IPP: variants seen among roughly 807,000 people sequenced by gnomAD.
IPP encodes the protein actin-binding protein IPP.
In IPP, 41 loss-of-function variants were observed where a neutral mutation model predicts 64.1. That is an observed-to-expected ratio of 0.64 (90% CI 0.50 to 0.83). The LOEUF (loss-of-function observed/expected upper bound fraction) is 0.83. IPP is among the 40% of genes least tolerant of loss of function. The pLI is 0.00. For synonymous variants in IPP, 214 were observed against 235.2 expected (o/e 0.91, Z 0.83); for missense variants, 649 against 703.0 (o/e 0.92, Z 0.87).
chr1:45,721,800 G>A (rs777419283), intron 5 of IPP, among the ~76,000 whole-genome samples: 1 of 152,154 alleles, frequency 6.6e-6, no homozygotes, highest in Non-Finnish European at 1.5e-5. Flanking sequence ...GGTGGCTAAC[G>A]CCTGTAATCC....
chr1:45,712,560 A>G lies in IPP; in HGVS notation c.1530+1686T>C, dbSNP rs186620959. Among the ~76,000 whole-genome samples, 14 of 152,122 alleles carry G rather than the reference A, an allele frequency of 9.2e-5. No individual in the cohort carries two copies. In the East Asian group the frequency reaches 2.7e-3, roughly 29 times the overall value. On this transcript the variant is annotated intron_variant, in intron 8 of 8. Coordinates refer to ENST00000396478, the MANE Select transcript of IPP (RefSeq NM_005897.3). ...AAACAAGAAATTACCAGAAAAATTT[A>G]AAAAAGAAAAAAAAGGCCGGGCACG... is the stretch of plus-strand genomic sequence containing the variant.
intron 5 of IPP, among the ~76,000 whole-genome samples, chr1:45,723,061 T>C (rs1439719915): frequency 6.6e-6 from 1 of 152,168 alleles, no homozygotes; most frequent in Non-Finnish European, 1.5e-5. Flanking sequence ...TTGCACAACT[T>C]TGTGACTATG....
chr1:45,714,709 C>T lies in IPP; in HGVS notation c.1310-243G>A, dbSNP rs3935297. On this transcript the variant is annotated intron_variant, in intron 7 of 8. Transcript: ENST00000396478. ...TTTCAAATAACTTGAAATAATCTGTCAGCTAAGGATTTTCTATCTAATTGT... is the reference window on the plus strand; with the variant it reads ...TTTCAAATAACTTGAAATAATCTGTTAGCTAAGGATTTTCTATCTAATTGT... 3.2e-3 allele frequency among the ~76,000 whole-genome samples: 482 copies of T among 152,218 alleles called. 3 individuals carry two copies. The highest frequency in any genetic ancestry group is 0.011 in the African/African-American group (464 of 41,544).
intron 1 of IPP, among the ~76,000 whole-genome samples, chr1:45,747,087 C>T (rs1361483010): frequency 6.6e-6 from 1 of 152,050 alleles, no homozygotes; most frequent in African/African-American, 2.4e-5. Flanking sequence ...CCCTACCACC[C>T]TACTCTTAGT....
At chr1:45,740,780 AAG>A in intron 3 of IPP, 119 bp downstream of exon 3, 1 of 593,098 alleles carries the variant, frequency 1.7e-6, no homozygotes, top group East Asian at 2.9e-5. Flanking sequence ...AAGAAAAAAA[AAG>A]AGTAATCATT....
chr1:45,720,630 G>A (rs183020979), intron 5 of IPP, among the ~76,000 whole-genome samples: 189 of 152,204 alleles, frequency 1.2e-3, no homozygotes, highest in African/African-American at 4.2e-3. Context: ...ATATAACAAA[G>A]CTATAGTAAT....
At chr1:45,723,782 T>C (rs966125294) in intron 5 of IPP, among the ~76,000 whole-genome samples, 1 of 152,016 alleles carries the variant, frequency 6.6e-6, no homozygotes, top group Non-Finnish European at 1.5e-5. Context: ...TTTATACAAT[T>C]TTTGGGTGGG....
At chr1:45,725,196 G>A (rs1260374378) in intron 5 of IPP, among the ~76,000 whole-genome samples, 3 of 130,394 alleles carry the variant, frequency 2.3e-5, no homozygotes, top group African/African-American at 2.9e-5. Flanking sequence ...CAGCCGCCCC[G>A]TCCGGGAGGG....
At chr1:45,722,616 C>T (rs1017845229) in intron 5 of IPP, among the ~76,000 whole-genome samples, 2 of 151,848 alleles carry the variant, frequency 1.3e-5, no homozygotes, top group African/African-American at 4.8e-5. Context: ...AAGTTAATAA[C>T]AATATATATC....
At chr1:45,715,769 T>A (rs1018724012) in intron 7 of IPP, among the ~76,000 whole-genome samples, 4 of 152,198 alleles carry the variant, frequency 2.6e-5, no homozygotes, top group African/African-American at 9.6e-5. Flanking sequence ...TCCTCATCTA[T>A]AACTTAAAGA....
At chr1:45,710,951 G>A (rs71500091) in intron 8 of IPP, among the ~76,000 whole-genome samples, 150 of 1,044 alleles carry the variant, frequency 0.14, 70 homozygotes, top group African/African-American at 0.29. Flanking sequence ...CCCGGGAGGC[G>A]GAGGTTGCAG....
Position 45,700,125 on chromosome 1 carries a change from A to G in IPP, c.1596T>C (p.Asn532=), listed in dbSNP as rs758805147. ...GACCTCCAGAAACATACAGAAGACC[A>G]TTGACTGCCACAACACACATGCCTG... ...PRAGMCVVAV[N]GLLYVSGGRS... Residue 532 remains asparagine (N), a synonymous_variant, in exon 9 of 9, where the codon AAT becomes AAC. Transcript: ENST00000396478. 7.4e-6 allele frequency: 12 copies of G among 1,613,914 alleles called. No individual in the cohort carries two copies. In the South Asian group the frequency reaches 1.2e-4, roughly 16 times the overall value.
chr1:45,714,172 G>C lies in IPP; in HGVS notation c.1530+74C>G, dbSNP rs1320603384. Reference sequence around the variant, plus strand: ...AATGATCAATATCATGAGTGAAAAAGAGTGCATCACCACAGATCTTACAGA... The same window carrying C: ...AATGATCAATATCATGAGTGAAAAACAGTGCATCACCACAGATCTTACAGA... On this transcript the variant is annotated intron_variant, in intron 8 of 8. Coordinates refer to ENST00000396478, the MANE Select transcript of IPP (RefSeq NM_005897.3). The C allele has an allele frequency of 3.7e-6, 4 of 1,067,524 alleles. No individual in the cohort carries two copies. The Middle Eastern group carries it at 9.5e-4, about 255-fold the overall frequency. The allele number at this position is 1,067,524 out of a possible 1,614,324, so 66.1% of individuals were successfully genotyped here. A position where few individuals can be genotyped will look rare whatever the true frequency, so the allele number is the denominator to read the frequency against.
intron 3 of IPP, among the ~76,000 whole-genome samples, chr1:45,735,361 G>A (rs1313291753): frequency 1.3e-5 from 2 of 152,030 alleles, no homozygotes; most frequent in Non-Finnish European, 2.9e-5. Flanking sequence ...TGGGATTAAA[G>A]GCATGAGACA....
chr1:45,724,211 T>C (rs1645773223), intron 5 of IPP, among the ~76,000 whole-genome samples: 1 of 152,174 alleles, frequency 6.6e-6, no homozygotes, highest in African/African-American at 2.4e-5. Flanking sequence ...CTCCAGCTCC[T>C]AACCGCGAGT....
At chr1:45,700,925 A>C (rs575874808) in intron 8 of IPP, among the ~76,000 whole-genome samples, 1 of 152,310 alleles carries the variant, frequency 6.6e-6, no homozygotes, top group Admixed American at 6.5e-5. Context: ...TGTCCAAGAG[A>C]ATGACACAGC....
At chr1:45,694,585 T>C (rs1645370771), downstream of IPP, 1 of 830,494 alleles carries the variant, frequency 1.2e-6, no homozygotes, top group African/African-American at 1.7e-5. Flanking sequence ...TCCAAACTTA[T>C]TTCACATGGT....
intron 2 of IPP, among the ~76,000 whole-genome samples, chr1:45,745,099 A>G (rs1056228369): frequency 1.3e-5 from 2 of 152,082 alleles, no homozygotes; most frequent in African/African-American, 4.8e-5. Context: ...GGGTCTTGCT[A>G]TGTTGTCCTG....
At chr1:45,736,514 C>A (rs554871449) in intron 3 of IPP, among the ~76,000 whole-genome samples, 1 of 151,868 alleles carries the variant, frequency 6.6e-6, no homozygotes, top group Admixed American at 6.6e-5. Flanking sequence ...CATTTTTCTA[C>A]ACAAGTTGCT....
Sources: allele counts gnomAD v4.1 joint callset (sites outside exome capture counted in the v4.1 genomes callset), GRCh38; gene constraint gnomAD v4.1.1; transcripts MANE v1.5; gene names NCBI Gene and HGNC (gene_info 2026-07-23, HGNC 2026-07-21).